Variants in ASTN1 observed in about 807,000 individuals in gnomAD.
ASTN1 encodes the protein astrotactin 1.
ASTN1 carries 41 observed loss-of-function variants against 140.7 expected under a neutral mutation model. That is an observed-to-expected ratio of 0.29 (90% CI 0.23 to 0.38). The LOEUF (loss-of-function observed/expected upper bound fraction) is 0.38, where lower values mean the gene tolerates loss of function less well. ASTN1 is among the 10% of genes least tolerant of loss of function. The pLI, the probability that ASTN1 is intolerant of heterozygous loss-of-function variation, is 1.00. For synonymous variants in ASTN1, 640 were observed against 652.2 expected (o/e 0.98, Z 0.29); for missense variants, 1,479 against 1,678.8 (o/e 0.88, Z 2.08).
intron 1 of ASTN1, among the ~76,000 whole-genome samples, chr1:177,110,081 T>C (rs1320900545): frequency 6.6e-6 from 1 of 152,220 alleles, no homozygotes; most frequent in Non-Finnish European, 1.5e-5. Flanking sequence ...ATAAAACACA[T>C]TAATATTTGA....
chr1:177,047,770 T>C (rs1207471604), intron 2 of ASTN1, among the ~76,000 whole-genome samples: 1 of 152,254 alleles, frequency 6.6e-6, no homozygotes, highest in East Asian at 1.9e-4. Context: ...CCCATGGCCA[T>C]GCTGGGCATA....
intron 16 of ASTN1, among the ~76,000 whole-genome samples, chr1:176,902,612 G>T (rs1171608272): frequency 6.6e-6 from 1 of 152,116 alleles, no homozygotes; most frequent in Non-Finnish European, 1.5e-5. Flanking sequence ...ATTTAATAAC[G>T]AATTGACTAA....
intron 3 of ASTN1, 28 bp downstream of exon 3, chr1:177,032,428 C>T (rs995830389): frequency 5.0e-6 from 8 of 1,600,862 alleles, no homozygotes; most frequent in Non-Finnish European, 6.8e-6. Context: ...AAGGACCAAA[C>T]AGCCCCTTGC....
rs565969491 is a variant in ASTN1, at chr1:176,861,280, G to A, written c.*3004C>T. The A allele has an allele frequency of 1.5e-5, 15 of 985,114 alleles. No homozygotes were observed. The highest frequency in any genetic ancestry group is 2.3e-4 in the East Asian group (2 of 8,790). The allele number at this position is 985,114 out of a possible 1,614,324, so 61.0% of individuals were successfully genotyped here. A position where few individuals can be genotyped will look rare whatever the true frequency, so the allele number is the denominator to read the frequency against. On this transcript the variant is annotated 3_prime_UTR_variant, in exon 23 of 23. Coordinates refer to ENST00000361833, the MANE Select transcript of ASTN1 (RefSeq NM_004319.3). ...TGTAGTTAACTAAAAAATAATGAAC[G>A]GACCAAACTCCATGGAAAACGATTG...
chr1:177,082,226 CT>C (rs1357859280), intron 1 of ASTN1, among the ~76,000 whole-genome samples: 1 of 152,112 alleles, frequency 6.6e-6, no homozygotes, highest in Non-Finnish European at 1.5e-5. Flanking sequence ...ACGAATCTAC[CT>C]ATGAGTGTGC....
chr1:176,874,843 A>C (rs1490311540), intron 21 of ASTN1, among the ~76,000 whole-genome samples: 3 of 152,066 alleles, frequency 2.0e-5, no homozygotes, highest in Non-Finnish European at 2.9e-5. Flanking sequence ...CACGGGGTGA[A>C]GTAACCTGTT....
chr1:176,871,993 C>A (rs1170217184), intron 21 of ASTN1, among the ~76,000 whole-genome samples: 1 of 152,102 alleles, frequency 6.6e-6, no homozygotes, highest in African/African-American at 2.4e-5. Context: ...ATCTCTCAGG[C>A]AGCCGGGTAA....
chr1:176,865,804 C>T (rs555489072), intron 22 of ASTN1, among the ~76,000 whole-genome samples: 2 of 152,312 alleles, frequency 1.3e-5, no homozygotes, highest in East Asian at 3.9e-4. Flanking sequence ...TTCCACATGG[C>T]TGGGGAAGCC....
rs536811642 is a variant in ASTN1 at position 176,862,141 on chromosome 1, T to C, written c.*2143A>G. 33 of 985,306 alleles carry C rather than the reference T, an allele frequency of 3.3e-5. No homozygotes were observed. Among genetic ancestry groups the C allele is most frequent in the Admixed American group, 6.1e-5 (1 of 16,268 alleles). 61.0% of individuals were successfully genotyped at this position (985,306 alleles called of 1,614,324 possible). On this transcript the variant is annotated 3_prime_UTR_variant, in exon 23 of 23. Transcript: ENST00000361833. ...CTGGCAATGGTGAAATATTTGCCCC[T>C]TGAGGCACTTTAACTGAGGCTCCAG...
intron 8 of ASTN1, among the ~76,000 whole-genome samples, chr1:176,994,339 TC>T (rs1674339069): frequency 6.6e-6 from 1 of 152,084 alleles, no homozygotes; most frequent in Admixed American, 6.6e-5. Context: ...AATTATCTTT[TC>T]CCCTCACTCT....
At chr1:176,879,265 T>C (rs936967709) in intron 20 of ASTN1, among the ~76,000 whole-genome samples, 1 of 152,144 alleles carries the variant, frequency 6.6e-6, no homozygotes, top group Non-Finnish European at 1.5e-5. Flanking sequence ...CAGTGCCCCA[T>C]CCCCTGTCAT....
chr1:176,889,015 A>C (rs1669154874), intron 17 of ASTN1, among the ~76,000 whole-genome samples: 1 of 152,254 alleles, frequency 6.6e-6, no homozygotes, highest in African/African-American at 2.4e-5. Context: ...AGCAATTATT[A>C]TTGCCTTTGA....
intron 7 of ASTN1, among the ~76,000 whole-genome samples, chr1:177,016,609 G>A (rs951190979): frequency 1.3e-5 from 2 of 152,178 alleles, no homozygotes; most frequent in African/African-American, 4.8e-5. Flanking sequence ...CAGGAGCCTG[G>A]CTTCATTGAG....
At chr1:176,968,416 C>T (rs1428336563) in intron 8 of ASTN1, among the ~76,000 whole-genome samples, 1 of 152,206 alleles carries the variant, frequency 6.6e-6, no homozygotes, top group South Asian at 2.1e-4. Flanking sequence ...GATGTCTTCA[C>T]ATAGGCTGGA....
At chr1:176,857,397 T>G, downstream of ASTN1, 1 of 398,294 alleles carries the variant, frequency 2.5e-6, no homozygotes, top group Non-Finnish European at 4.4e-6. Flanking sequence ...ACAGAGGAAG[T>G]TCAAGATGAG....
chr1:176,986,639 A>G (rs532976877), intron 8 of ASTN1, among the ~76,000 whole-genome samples: 1 of 152,170 alleles, frequency 6.6e-6, no homozygotes, highest in South Asian at 2.1e-4. Flanking sequence ...AAGCATGTGA[A>G]TTCAGGAGCC....
At chr1:177,072,540 A>G (rs988283034) in intron 1 of ASTN1, among the ~76,000 whole-genome samples, 1 of 152,318 alleles carries the variant, frequency 6.6e-6, no homozygotes, top group East Asian at 1.9e-4. Context: ...TGGGAGAATG[A>G]TTTAAAAGAA....
At chr1:177,097,334 G>C (rs927210843) in intron 1 of ASTN1, among the ~76,000 whole-genome samples, 3 of 152,014 alleles carry the variant, frequency 2.0e-5, no homozygotes, top group Non-Finnish European at 2.9e-5. Context: ...TTTCAATATA[G>C]GTTCAACCTA....
chr1:176,911,694 T>A (rs1670247660), intron 16 of ASTN1, among the ~76,000 whole-genome samples: 1 of 152,186 alleles, frequency 6.6e-6, no homozygotes, highest in Non-Finnish European at 1.5e-5. Flanking sequence ...AACAATGCCA[T>A]CTTCTGAACT....
Sources: allele counts gnomAD v4.1 joint callset (sites outside exome capture counted in the v4.1 genomes callset), GRCh38; gene constraint gnomAD v4.1.1; transcripts MANE v1.5; gene names NCBI Gene and HGNC (gene_info 2026-07-23, HGNC 2026-07-21).